The following SAMD5 variants were observed in gnomAD, a reference collection of about 807,000 sequenced individuals.
The protein encoded by SAMD5 is sterile alpha motif domain-containing protein 5.
In SAMD5, 13 loss-of-function variants were observed where a neutral mutation model predicts 11.3. The observed-to-expected ratio is 1.15, with a 90% confidence interval of 0.75 to 1.83. SAMD5 has a LOEUF of 1.83. Among genes scored for constraint, SAMD5 ranks in the 40% most tolerant of loss-of-function variants. SAMD5 has a pLI of 0.00. For synonymous variants in SAMD5, 129 were observed against 111.3 expected, an observed-to-expected ratio of 1.16 and a Z score of -1.00; for missense variants, 255 against 239.1, an observed-to-expected ratio of 1.07 and a Z score of -0.44.
At chr6:147,792,623 A>T in the SAMD5 span, among the ~76,000 whole-genome samples, 1 of 152,182 alleles carries the variant, frequency 6.6e-6, no homozygotes, top group Non-Finnish European at 1.5e-5. Flanking sequence ...TTCTAATTTC[A>T]TCCTCTAATA....
chr6:147,634,930 ACT>A (rs1562339110), intron 1 of SAMD5, among the ~76,000 whole-genome samples: 8 of 83,684 alleles, frequency 9.6e-5, no homozygotes. Flanking sequence ...ACATGAAGCC[ACT>A]TAGTAGTACA....
the SAMD5 span, among the ~76,000 whole-genome samples, chr6:147,882,033 T>A: frequency 6.6e-6 from 1 of 152,156 alleles, no homozygotes; most frequent in Non-Finnish European, 1.5e-5. Flanking sequence ...TGAAAAGGTG[T>A]GTATTCGTTT....
chr6:147,576,713 G>A lies in SAMD5; in HGVS notation c.162+67326G>A, dbSNP rs143293929. ...TTACAGGTGAAGAAGCTAAGGCACA[G>A]AGAGTTTAAGTACCTTAGAAAATTA... On this transcript the variant is annotated intron_variant, in intron 1 of 1. Transcript: ENST00000566741. Among the ~76,000 whole-genome samples the A allele has an allele frequency of 2.0e-5, 3 of 152,344 alleles. No homozygotes were observed. In the East Asian group the frequency reaches 5.8e-4, roughly 29 times the overall value.
the SAMD5 span, among the ~76,000 whole-genome samples, chr6:147,803,885 A>G: frequency 6.6e-6 from 1 of 152,062 alleles, no homozygotes; most frequent in African/African-American, 2.4e-5. Flanking sequence ...AGCCAGCTCC[A>G]CTGTGTTCTT....
chr6:147,630,987 A>G (rs2128451311), intron 1 of SAMD5, among the ~76,000 whole-genome samples: 1 of 152,190 alleles, frequency 6.6e-6, no homozygotes, highest in East Asian at 1.9e-4. Context: ...CACCGCGGGG[A>G]CACCTGCCTT....
At chr6:147,768,541 C>A in the SAMD5 span, among the ~76,000 whole-genome samples, 4 of 151,956 alleles carry the variant, frequency 2.6e-5, no homozygotes, top group East Asian at 3.9e-4. Flanking sequence ...CAGAAAAAAA[C>A]AAAACAAAGA....
intron 1 of SAMD5, among the ~76,000 whole-genome samples, chr6:147,630,143 T>C (rs1790126128): frequency 6.6e-6 from 1 of 151,954 alleles, no homozygotes. Context: ...GAGACGAGGT[T>C]TCTCCATGTT....
the SAMD5 span, among the ~76,000 whole-genome samples, chr6:147,795,222 C>G: frequency 8.1e-6 from 1 of 123,598 alleles, no homozygotes; most frequent in Non-Finnish European, 1.7e-5. Context: ...CCCCTCCCCC[C>G]ACCCCACAAC....
At chr6:147,645,519 A>T (rs2128452805) in intron 1 of SAMD5, among the ~76,000 whole-genome samples, 1 of 152,272 alleles carries the variant, frequency 6.6e-6, no homozygotes, top group East Asian at 1.9e-4. Flanking sequence ...CTTACTGCAG[A>T]TTCAGCACAG....
At chr6:147,626,791 GA>G (rs529975933) in intron 1 of SAMD5, among the ~76,000 whole-genome samples, 1,451 of 54,632 alleles carry the variant, frequency 0.027, 14 homozygotes, top group Middle Eastern at 0.087. Context: ...CTGTTTCTAT[GA>G]AAAAAAAAAA....
chr6:147,609,422 A>G (rs1050309836), intron 1 of SAMD5, among the ~76,000 whole-genome samples: 3 of 152,132 alleles, frequency 2.0e-5, no homozygotes, highest in African/African-American at 7.2e-5. Context: ...GAGACAATCA[A>G]TCTCTGTTGT....
At chr6:147,590,795 T>C (rs1159760758) in intron 1 of SAMD5, among the ~76,000 whole-genome samples, 3 of 152,206 alleles carry the variant, frequency 2.0e-5, no homozygotes, top group Non-Finnish European at 4.4e-5. Flanking sequence ...GCGAATGCTT[T>C]CTCAGAAATG....
the SAMD5 span, among the ~76,000 whole-genome samples, chr6:147,858,676 C>T: frequency 3.3e-5 from 5 of 152,292 alleles, no homozygotes; most frequent in South Asian, 2.1e-4. Context: ...CTCATTAAAT[C>T]GCCCCATCAG....
chr6:147,718,954 G>C (rs532960119), intron 1 of SAMD5, among the ~76,000 whole-genome samples: 2 of 152,224 alleles, frequency 1.3e-5, no homozygotes, highest in Non-Finnish European at 2.9e-5. Context: ...GCCTCCCAAA[G>C]TGCTGGGATT....
the SAMD5 span, among the ~76,000 whole-genome samples, chr6:147,807,581 C>T: frequency 3.9e-5 from 6 of 152,062 alleles, no homozygotes; most frequent in South Asian, 2.1e-4. Context: ...TTGGTCTTTT[C>T]GCCACACAGT....
At chr6:147,875,372 CTT>C in the SAMD5 span, among the ~76,000 whole-genome samples, 12 of 152,270 alleles carry the variant, frequency 7.9e-5, 1 homozygote, top group South Asian at 2.1e-3. Context: ...CCTCTTAACT[CTT>C]TTACTGTCTG....
At position 147,543,271 on chromosome 6, in the gene SAMD5, C is replaced by G. The variant is rs141251451; in HGVS notation, c.460-21123C>G. 2.4e-3 allele frequency among the ~76,000 whole-genome samples: 362 copies of G among 152,296 alleles called. 2 individuals are homozygous for G. Among genetic ancestry groups the G allele is most frequent in the African/African-American group, 8.1e-3 (335 of 41,576 alleles). ...CCCTGTTTACATTAATTTGCCTAAA[C>G]ACACATGTTCTGATACCTAGAAACA... On this transcript the variant is annotated intron_variant, in intron 1 of 1. Coordinates refer to ENST00000367474, the MANE Select transcript of SAMD5 (RefSeq NM_001030060.3).
chr6:147,921,451 C>A, the SAMD5 span, among the ~76,000 whole-genome samples: 1 of 152,112 alleles, frequency 6.6e-6, no homozygotes, highest in Non-Finnish European at 1.5e-5. Context: ...GCTAGTGCAG[C>A]AGTTTTCACT....
At chr6:147,613,360 G>A (rs189194102) in intron 1 of SAMD5, among the ~76,000 whole-genome samples, 4 of 151,768 alleles carry the variant, frequency 2.6e-5, no homozygotes, top group Admixed American at 1.3e-4. Flanking sequence ...AGAGCCCCAC[G>A]CACTAAGAGA....
Sources: allele counts gnomAD v4.1 joint callset (sites outside exome capture counted in the v4.1 genomes callset), GRCh38; gene constraint gnomAD v4.1.1; transcripts MANE v1.5; gene names NCBI Gene and HGNC (gene_info 2026-07-23, HGNC 2026-07-21).